The following MN1 variants were observed in gnomAD, a reference collection of about 807,000 sequenced individuals.
MN1 encodes the protein transcriptional activator MN1.
A neutral mutation model predicts 86.9 loss-of-function variants in MN1; 19 were observed. That is an observed-to-expected ratio of 0.22 (90% CI 0.15 to 0.32). The LOEUF is 0.32. Ranked by LOEUF, MN1 falls within the 10% of genes least tolerant of loss-of-function variation. The probability of loss-of-function intolerance (pLI) is 1.00; values close to 1 mark genes in which losing one functional copy is unlikely to be tolerated. For synonymous variants in MN1, 928 were observed against 849.6 expected (o/e 1.09, Z -1.60); for missense variants, 1,841 against 1,862.0 (o/e 0.99, Z 0.21).
chr22:27,784,442 T>C (rs761470684), intron 1 of MN1, among the ~76,000 whole-genome samples: 8 of 152,110 alleles, frequency 5.3e-5, no homozygotes, highest in Non-Finnish European at 1.0e-4. Context: ...ATGTCAAAAA[T>C]CTCAGACGCA....
At chr22:27,765,741 C>T (rs963428214) in intron 1 of MN1, among the ~76,000 whole-genome samples, 2 of 152,204 alleles carry the variant, frequency 1.3e-5, no homozygotes, top group Non-Finnish European at 2.9e-5. Context: ...CAAGGCCACG[C>T]AGCGAAAATG....
Position 27,749,452 on chromosome 22 carries a change from G to A in MN1, c.*1463C>T, listed in dbSNP as rs1932739438. ...GGTGAAGTGATATCAGTTACTTCCT[G>A]TCTAACCCACCGGGGAATCTATGTG... On this transcript the variant is annotated 3_prime_UTR_variant, in exon 2 of 2. Transcript: ENST00000302326. 4.3e-6 allele frequency: 1 copy of A among 231,960 alleles called. No individual in the cohort carries two copies. Among genetic ancestry groups the A allele is most frequent in the African/African-American group, 2.2e-5 (1 of 45,282 alleles). 14.4% of individuals were successfully genotyped at this position (231,960 alleles called of 1,614,324 possible). A position where few individuals can be genotyped will look rare whatever the true frequency, so the allele number is the denominator to read the frequency against.
In MN1 at chr22:27,782,117, C is replaced by T. The variant is rs562583135; in HGVS notation, c.3781+14646G>A. On this transcript the variant is annotated intron_variant, in intron 1 of 1. Transcript: ENST00000302326. The stretch of plus-strand genomic sequence containing the variant: ...CCTTGGGGGGCACAGGGAGAGCTGT[C>T]GGGTGGTAAAAAATACCTTGGCGCT... 1.8e-4 allele frequency among the ~76,000 whole-genome samples: 27 copies of T among 152,228 alleles called. No individual in the cohort carries two copies. In the South Asian group the frequency reaches 4.6e-3, roughly 26 times the overall value.
rs1489492112 is a variant in MN1 at position 27,784,057 on chromosome 22, C to G, written c.3781+12706G>C. On this transcript the variant is annotated intron_variant, in intron 1 of 1. Transcript: ENST00000302326. The stretch of plus-strand genomic sequence containing the variant: ...TGGCCACAGAGGCCTTGGCAGAGAG[C>G]CGGCCCCTGAGAACTGCCCCTCAGA... Among the ~76,000 whole-genome samples, 4 of 152,238 alleles carry G rather than the reference C, an allele frequency of 2.6e-5. No individual in the cohort carries two copies. The East Asian group carries it at 7.7e-4, about 29-fold the overall frequency.
intron 1 of MN1, among the ~76,000 whole-genome samples, chr22:27,795,647 C>T (rs1933281183): frequency 6.6e-6 from 1 of 151,910 alleles, no homozygotes; most frequent in South Asian, 2.1e-4. Flanking sequence ...AATGATGTTA[C>T]CTGATTTTAA....
At chr22:27,752,784 A>G (rs566780687) in intron 1 of MN1, among the ~76,000 whole-genome samples, 1 of 152,300 alleles carries the variant, frequency 6.6e-6, no homozygotes, top group East Asian at 1.9e-4. Flanking sequence ...TTTCTGCCTC[A>G]GTAGTAGTGA....
chr22:27,800,513 C>T lies in MN1; in HGVS notation c.31G>A (p.Val11Ile), dbSNP rs770576840. ...CCCTGGCCAGCGTTCCTGCTGTTGA[C>T]CTGGGGCTCGAATTGGTCCAGCCCA... MFGLDQFEPQ[V>I]NSRNAGQGER... is the part of the protein sequence containing the mutation. Residue 11 changes from valine (V) to isoleucine (I), a missense_variant, in exon 1 of 2, where the codon GTC becomes ATC. Val to Ile is a conservative substitution (Grantham distance 29). Coordinates refer to ENST00000302326, the MANE Select transcript of MN1 (RefSeq NM_002430.3). 21 of 1,614,196 alleles carry T rather than the reference C, an allele frequency of 1.3e-5. No homozygotes were observed. In the African/African-American group the frequency reaches 2.7e-4, roughly 20 times the overall value.
chr22:27,757,492 C>T (rs116589564), intron 1 of MN1, among the ~76,000 whole-genome samples: 11 of 152,322 alleles, frequency 7.2e-5, no homozygotes, highest in Non-Finnish European at 1.3e-4. Context: ...ATGAGAATTC[C>T]GGGCATATTT....
chr22:27,758,792 A>G (rs1932816692), intron 1 of MN1, among the ~76,000 whole-genome samples: 1 of 152,206 alleles, frequency 6.6e-6, no homozygotes, highest in South Asian at 2.1e-4. Flanking sequence ...ACAGGAGTAG[A>G]GAGCCTTGCC....
At chr22:27,760,581 C>G (rs1043240337) in intron 1 of MN1, among the ~76,000 whole-genome samples, 3 of 152,160 alleles carry the variant, frequency 2.0e-5, no homozygotes, top group Non-Finnish European at 4.4e-5. Context: ...TAAGCAAAGG[C>G]CACTGAGACA....
chr22:27,798,607 C>T lies in MN1; in HGVS notation c.1937G>A (p.Arg646Lys), dbSNP rs748544919. 3 of 1,560,616 alleles carry T rather than the reference C, an allele frequency of 1.9e-6. No individual in the cohort carries two copies. The highest frequency in any genetic ancestry group is 2.6e-6 in the Non-Finnish European group (3 of 1,162,124). Reference sequence around the variant, plus strand: ...AGCGGGCAGACCCGAGCCGCCCATCCTACGGGGCAGCAGGTCTCCGGGCGG... The same window carrying T: ...AGCGGGCAGACCCGAGCCGCCCATCTTACGGGGCAGCAGGTCTCCGGGCGG... ...HPPPGDLLPRRMGGSGLPADC... is the reference protein window; with the variant it reads ...HPPPGDLLPRKMGGSGLPADC... The change falls in exon 1 of 2, where the codon AGG becomes AAG. Residue 646 changes from arginine to lysine, a missense_variant. By Grantham distance (26) the Arg-to-Lys change is conservative. Transcript: ENST00000302326.
In MN1 at chr22:27,797,470, A is replaced by G. The variant is rs201955277; in HGVS notation, c.3074T>C (p.Ile1025Thr). Residue 1025 changes from isoleucine to threonine, a missense_variant, in exon 1 of 2, where the codon ATT becomes ACT. Ile to Thr is a moderately conservative substitution (Grantham distance 89). Transcript: ENST00000302326. ...ELLLGDQPDL[I>T]GSLDGGAKSD... ...CTTGGCCCCGCCGTCCAGGGACCCA[A>G]TGAGGTCCGGCTGATCCCCCAGGAG... is the stretch of plus-strand genomic sequence containing the variant. 38 of 1,600,484 alleles carry G rather than the reference A, an allele frequency of 2.4e-5. No homozygotes were observed. The highest frequency in any genetic ancestry group is 3.4e-5 in the South Asian group (3 of 89,094).
In MN1 at chr22:27,797,252, C is replaced by A; in HGVS notation, c.3292G>T (p.Ala1098Ser). The change falls in exon 1 of 2, where the codon GCG (alanine) becomes TCG (serine). Residue 1098 changes from alanine (A) to serine (S), a missense_variant. By Grantham distance (99) the Ala-to-Ser change is moderately conservative (BLOSUM62 1). Transcript: ENST00000302326. ...CCCAGGCCGAGGGCGGGCGGGGGCG[C>A]CTTCGGTCCGTGTTCCCCGGCGCCT... ...GVGAGEHGPK[A>S]PPPALGLGIM... The A allele has an allele frequency of 1.3e-6, 2 of 1,578,610 alleles. No individual in the cohort carries two copies. Among genetic ancestry groups the A allele is most frequent in the Non-Finnish European group, 1.7e-6 (2 of 1,169,324 alleles).
intron 1 of MN1, among the ~76,000 whole-genome samples, chr22:27,795,284 C>G (rs1464042056): frequency 6.6e-6 from 1 of 152,080 alleles, no homozygotes; most frequent in Non-Finnish European, 1.5e-5. Context: ...ATTAGAAAAC[C>G]TAAGCGGGAA....
chr22:27,765,835 G>T (rs536869286), intron 1 of MN1, among the ~76,000 whole-genome samples: 7 of 152,328 alleles, frequency 4.6e-5, no homozygotes, highest in East Asian at 1.9e-4. Context: ...CCTGGTGAAG[G>T]GGGTGGAGAG....
At chr22:27,770,203 G>A (rs1450275802) in intron 1 of MN1, among the ~76,000 whole-genome samples, 2 of 152,184 alleles carry the variant, frequency 1.3e-5, no homozygotes, top group African/African-American at 4.8e-5. Flanking sequence ...ACAAGCCTCA[G>A]CCACCAGGCA....
At chr22:27,760,097 C>G (rs556316145) in intron 1 of MN1, among the ~76,000 whole-genome samples, 84 of 152,316 alleles carry the variant, frequency 5.5e-4, no homozygotes, top group Admixed American at 1.5e-3. Context: ...CACCTGTAAT[C>G]CCAGAACTTT....
chr22:27,751,234 G>A (rs1453531429), intron 1 of MN1, 138 bp from the exon 2 acceptor site: 2 of 581,998 alleles, frequency 3.4e-6, no homozygotes, highest in Non-Finnish European at 5.5e-6. Flanking sequence ...TGGTCCCAGA[G>A]GATCTAGAGA....
intron 1 of MN1, among the ~76,000 whole-genome samples, chr22:27,787,340 G>C (rs950426597): frequency 6.6e-6 from 1 of 152,150 alleles, no homozygotes; most frequent in Non-Finnish European, 1.5e-5. Flanking sequence ...GATGAAAATG[G>C]CCAATTTGTT....
Sources: allele counts gnomAD v4.1 joint callset (sites outside exome capture counted in the v4.1 genomes callset), GRCh38; gene constraint gnomAD v4.1.1; transcripts MANE v1.5; gene names NCBI Gene and HGNC (gene_info 2026-07-23, HGNC 2026-07-21).